The following ADGRL2 variants were observed in gnomAD, a reference collection of about 807,000 sequenced individuals.
The protein encoded by ADGRL2 is calcium-independent alpha-latrotoxin receptor 2.
ADGRL2 carries 44 observed loss-of-function variants against 157.4 expected under a neutral mutation model. The observed-to-expected ratio is 0.28, with a 90% CI of 0.22 to 0.36. ADGRL2 has a LOEUF of 0.36. ADGRL2 is among the 10% of genes least tolerant of loss of function. The pLI is 1.00. For synonymous variants in ADGRL2, 585 were observed against 624.7 expected, an observed-to-expected ratio of 0.94 and a Z score of 0.95; for missense variants, 1,510 against 1,768.9, an observed-to-expected ratio of 0.85 and a Z score of 2.63.
chr1:81,895,222 G>A (rs1279526285), intron 2 of ADGRL2, among the ~76,000 whole-genome samples: 1 of 151,914 alleles, frequency 6.6e-6, no homozygotes, highest in Admixed American at 6.6e-5. Context: ...GTATTAATTG[G>A]CCCCCTTATA....
At chr1:81,664,874 CGT>C (rs2082723918) in intron 3 of ADGRL2, among the ~76,000 whole-genome samples, 1 of 151,874 alleles carries the variant, frequency 6.6e-6, no homozygotes, top group Non-Finnish European at 1.5e-5. Context: ...TGACTTAATA[CGT>C]GTGTGTTTTG....
chr1:81,689,105 A>G (rs547053268), intron 3 of ADGRL2, among the ~76,000 whole-genome samples: 11 of 152,262 alleles, frequency 7.2e-5, no homozygotes, highest in Non-Finnish European at 1.3e-4. Flanking sequence ...AATCTCAAAT[A>G]CTATTTTAAT....
At chr1:81,557,497 G>GAA (rs1184728698) in intron 2 of ADGRL2, 1 of 134,546 alleles carries the variant, frequency 7.4e-6, no homozygotes, top group Non-Finnish European at 1.6e-5. Context: ...AAGAAAGAAA[G>GAA]AAAGAAAGAA....
chr1:81,557,279 T>G (rs1309169886), intron 2 of ADGRL2: 1 of 198,228 alleles, frequency 5.0e-6, no homozygotes, highest in Non-Finnish European at 1.2e-5. Context: ...TCTGGACTTC[T>G]TTCCACTGTA....
intron 3 of ADGRL2, among the ~76,000 whole-genome samples, chr1:81,649,059 A>C (rs2082363886): frequency 6.6e-6 from 1 of 152,150 alleles, no homozygotes; most frequent in African/African-American, 2.4e-5. Flanking sequence ...CCAGGCAGTT[A>C]ACATTCTCAA....
chr1:81,743,946 T>C (rs1240945187), intron 1 of ADGRL2, among the ~76,000 whole-genome samples: 1 of 152,076 alleles, frequency 6.6e-6, no homozygotes, highest in East Asian at 1.9e-4. Flanking sequence ...ATGAAATGCA[T>C]GCCAACATTG....
At chr1:81,682,132 T>TGTGTGTGTGTGG (rs2083132331) in intron 3 of ADGRL2, among the ~76,000 whole-genome samples, 1 of 151,464 alleles carries the variant, frequency 6.6e-6, no homozygotes, top group Non-Finnish European at 1.5e-5. Context: ...TGTGTGTGTG[T>TGTGTGTGTGTGG]ATTTTTCTTT....
chr1:81,856,280 G>A (rs2093199829), intron 2 of ADGRL2, among the ~76,000 whole-genome samples: 1 of 152,026 alleles, frequency 6.6e-6, no homozygotes, highest in Non-Finnish European at 1.5e-5. Context: ...GATATCTGGG[G>A]TACTTCACCC....
At chr1:81,462,437 G>C (rs903493952) in intron 2 of ADGRL2, among the ~76,000 whole-genome samples, 4 of 148,350 alleles carry the variant, frequency 2.7e-5, no homozygotes, top group Admixed American at 6.7e-5. Flanking sequence ...CTTCATTCTT[G>C]AAGTCAGCGA....
rs370614552 is a variant in ADGRL2, at chr1:81,497,750, C to A, written c.-248+52661C>A. ...AAATGATGCGAAGTATGTGAAGTAC[C>A]TAGAACACTACTTGGACAGAGGAAG... On this transcript the variant is annotated intron_variant, in intron 2 of 24. Coordinates refer to the ADGRL2 transcript ENST00000370721. Among the ~76,000 whole-genome samples, 10 of 152,226 alleles carry A rather than the reference C, an allele frequency of 6.6e-5. No individual in the cohort carries two copies. The East Asian group carries it at 1.4e-3, about 21-fold the overall frequency.
intron 3 of ADGRL2, 124 bp from the exon 4 acceptor site, chr1:81,936,604 C>T: frequency 1.9e-6 from 1 of 518,448 alleles, no homozygotes; most frequent in Admixed American, 3.2e-5. Context: ...AACTTAACAT[C>T]ACTTGAATTT....
chr1:81,371,860 A>G (rs2076166292), intron 1 of ADGRL2, among the ~76,000 whole-genome samples: 1 of 152,230 alleles, frequency 6.6e-6, no homozygotes, highest in Admixed American at 6.5e-5. Context: ...ATTGCTGGGA[A>G]TATTGAAATA....
intron 1 of ADGRL2, among the ~76,000 whole-genome samples, chr1:81,407,848 T>A (rs1415294480): frequency 6.6e-6 from 1 of 152,190 alleles, no homozygotes; most frequent in Non-Finnish European, 1.5e-5. Context: ...GGGGGCTGTT[T>A]CATGTTTGTG....
chr1:81,787,208 T>C (rs968898270), intron 2 of ADGRL2, among the ~76,000 whole-genome samples: 1 of 152,216 alleles, frequency 6.6e-6, no homozygotes, highest in African/African-American at 2.4e-5. Flanking sequence ...GGTATTTCTT[T>C]ATCAACAGTG....
intron 2 of ADGRL2, among the ~76,000 whole-genome samples, chr1:81,763,680 C>G (rs777171742): frequency 3.3e-5 from 5 of 150,578 alleles, no homozygotes; most frequent in Non-Finnish European, 1.5e-5. Context: ...TTCAGGAGTT[C>G]GAGACCAGCC....
chr1:81,861,210 G>A lies in ADGRL2; in HGVS notation c.73+24153G>A, dbSNP rs2093377845. Among the ~76,000 whole-genome samples the A allele has an allele frequency of 2.6e-5, 4 of 151,956 alleles. No homozygotes were observed. The South Asian group carries it at 6.2e-4, about 24-fold the overall frequency. On this transcript the variant is annotated intron_variant, in intron 2 of 23. Coordinates refer to ENST00000686636, the MANE Select transcript of ADGRL2 (RefSeq NM_001366006.2). ...TAATTTCTGTATTTTTAGTAAAGAC[G>A]GGGTTTCACCACATTGGCCAGGCTG...
chr1:81,596,423 A>G (rs1412286985), intron 3 of ADGRL2: 1 of 466,896 alleles, frequency 2.1e-6, no homozygotes, highest in South Asian at 1.7e-5. Flanking sequence ...GAGATTTTAC[A>G]TTGCAGCTCG....
At chr1:81,394,627 G>A (rs2076622138) in intron 1 of ADGRL2, among the ~76,000 whole-genome samples, 2 of 152,116 alleles carry the variant, frequency 1.3e-5, no homozygotes, top group Non-Finnish European at 2.9e-5. Flanking sequence ...GGGCACTTTG[G>A]TTGATTCCAT....
chr1:81,657,097 A>G (rs1023468146), intron 3 of ADGRL2, among the ~76,000 whole-genome samples: 4 of 152,116 alleles, frequency 2.6e-5, no homozygotes, highest in African/African-American at 9.7e-5. Flanking sequence ...AGCCAGTAAT[A>G]GAACAAGTTT....
Sources: allele counts gnomAD v4.1 joint callset (sites outside exome capture counted in the v4.1 genomes callset), GRCh38; gene constraint gnomAD v4.1.1; transcripts MANE v1.5; gene names NCBI Gene and HGNC (gene_info 2026-07-23, HGNC 2026-07-21).